DYRK1A: variants seen among roughly 807,000 people sequenced by gnomAD.
DYRK1A encodes the protein dual specificity tyrosine-phosphorylation-regulated kinase 1A.
DYRK1A carries 9 observed loss-of-function variants against 79.7 expected under a neutral mutation model. The ratio of observed to expected loss-of-function variants is 0.11; its 90% CI spans 0.07 to 0.20. The LOEUF (loss-of-function observed/expected upper bound fraction) is 0.20, where lower values mean the gene tolerates loss of function less well. Among genes scored for constraint, DYRK1A ranks in the 10% least tolerant of loss-of-function variants. The probability of loss-of-function intolerance (pLI) is 1.00; values close to 1 mark genes in which losing one functional copy is unlikely to be tolerated. For synonymous variants in DYRK1A, 349 were observed against 329.7 expected, an observed-to-expected ratio of 1.06 and a Z score of -0.63; for missense variants, 622 against 956.0, an observed-to-expected ratio of 0.65 and a Z score of 4.61.
intron 4 of DYRK1A, among the ~76,000 whole-genome samples, chr21:37,479,619 G>GTTTTTTTTTTTGTTTTTTTTTTTTTTTTT (rs2052552918): frequency 1.4e-5 from 1 of 73,900 alleles, no homozygotes; most frequent in African/African-American, 5.2e-5. Flanking sequence ...TTTGTTTTTT[G>GTTTTTTTTTTTGTTTTTTTTTTTTTTTTT]TTTTTTTTTT....
At position 37,401,201 on chromosome 21, in the gene DYRK1A, A is replaced by G. The variant is rs371492659; in HGVS notation, c.-76-19098A>G. The stretch of plus-strand genomic sequence containing the variant: ...GACTATATTTTTCTTATTGTGCTAT[A>G]TTAGGTAGTTAATTTTGGACTGGTC... On this transcript the variant is annotated intron_variant, in intron 1 of 11. Transcript: ENST00000647188. 4.7e-4 allele frequency among the ~76,000 whole-genome samples: 72 copies of G among 152,252 alleles called. 2 individuals are homozygous for G. Among genetic ancestry groups the G allele is most frequent in the African/African-American group, 1.6e-3 (66 of 41,556 alleles).
rs145697852 is a variant in DYRK1A, at chr21:37,414,693, T to A, written c.-76-5606T>A. Among the ~76,000 whole-genome samples, 850 of 152,244 alleles carry A rather than the reference T, an allele frequency of 5.6e-3. 6 individuals carry two copies. The highest frequency in any genetic ancestry group is 0.02 in the African/African-American group (815 of 41,548). On this transcript the variant is annotated intron_variant, in intron 1 of 11. Transcript: ENST00000647188. ...AACCTAGGTCTGCATGTGATAGGGG[T>A]GCTTTCTAGTGTCTACTTGATAGAC...
chr21:37,481,032 T>C lies in DYRK1A; in HGVS notation c.489+206T>C, dbSNP rs900331784. On this transcript the variant is annotated intron_variant, in intron 5 of 11. Transcript: ENST00000647188. ...AAACTCCTTAGACTTCTAAAAACTT[T>C]TATGGCTACCAAGTGCTCATTTTAC... The C allele has an allele frequency of 1.6e-4, 74 of 468,054 alleles. No homozygotes were observed. In the East Asian group the frequency reaches 2.5e-3, roughly 16 times the overall value. The allele number at this position is 468,054 out of a possible 1,614,324, so 29.0% of individuals were successfully genotyped here. A position where few individuals can be genotyped will look rare whatever the true frequency, so the allele number is the denominator to read the frequency against.
In DYRK1A at chr21:37,519,662, T is replaced by TTCC. The variant is rs1569413663; in HGVS notation, c.*7133_*7135dup. ...TGGAGTCTGGGACTAGGTGTTAACATTCCTTTACTAGTTGGTTTTGCATAC... is the reference window on the plus strand; with the variant it reads ...TGGAGTCTGGGACTAGGTGTTAACATTCCTCCTTTACTAGTTGGTTTTGCATAC... On this transcript the variant is annotated 3_prime_UTR_variant, in exon 12 of 12. Coordinates refer to ENST00000647188, the MANE Select transcript of DYRK1A (RefSeq NM_001347721.2). 1 of 152,122 alleles carries TTCC rather than the reference T, an allele frequency of 6.6e-6. No individual in the cohort carries two copies. Among genetic ancestry groups the TTCC allele is most frequent in the Non-Finnish European group, 1.5e-5 (1 of 68,020 alleles). The allele number at this position is 152,122 out of a possible 1,614,324, so 9.4% of individuals were successfully genotyped here.
At chr21:37,416,948 G>A (rs1001404957) in intron 1 of DYRK1A, among the ~76,000 whole-genome samples, 1 of 152,046 alleles carries the variant, frequency 6.6e-6, no homozygotes, top group African/African-American at 2.4e-5. Context: ...TAGTACTTTT[G>A]AAGCTCCTTG....
chr21:37,435,077 A>T (rs532235319), intron 2 of DYRK1A, among the ~76,000 whole-genome samples: 1 of 152,256 alleles, frequency 6.6e-6, no homozygotes, highest in Non-Finnish European at 1.5e-5. Flanking sequence ...GTAAAGTAGA[A>T]TATGTTTCTA....
rs186958900 is a variant in DYRK1A, at chr21:37,403,011, C to A, written c.-76-17288C>A. Among the ~76,000 whole-genome samples the A allele has an allele frequency of 4.0e-3, 603 of 152,082 alleles. 3 individuals carry two copies. Among genetic ancestry groups the A allele is most frequent in the Non-Finnish European group, 5.0e-3 (343 of 67,976 alleles). ...ACTCTTGACCTCAGGTGATCTGCCCCCCCTCAGCCTCCCAAAGTGCTGGGA... is the reference window on the plus strand; with the variant it reads ...ACTCTTGACCTCAGGTGATCTGCCCACCCTCAGCCTCCCAAAGTGCTGGGA... On this transcript the variant is annotated intron_variant, in intron 1 of 11. Coordinates refer to ENST00000647188, the MANE Select transcript of DYRK1A (RefSeq NM_001347721.2).
chr21:37,475,845 T>G (rs2052377287), intron 3 of DYRK1A, among the ~76,000 whole-genome samples: 1 of 152,240 alleles, frequency 6.6e-6, no homozygotes, highest in Admixed American at 6.5e-5. Context: ...TGAGCATCAT[T>G]ACTCCTGAAT....
At chr21:37,444,641 G>A (rs1212551133) in intron 2 of DYRK1A, among the ~76,000 whole-genome samples, 4 of 152,038 alleles carry the variant, frequency 2.6e-5, no homozygotes, top group Admixed American at 2.6e-4. Flanking sequence ...TGAGGATGAA[G>A]CATCGAAAAA....
intron 2 of DYRK1A, among the ~76,000 whole-genome samples, chr21:37,450,075 A>G (rs968282427): frequency 6.6e-6 from 1 of 152,158 alleles, no homozygotes; most frequent in Non-Finnish European, 1.5e-5. Flanking sequence ...GTGAGCCTCA[A>G]CTTTCCTGCC....
At chr21:37,373,426 A>G (rs1391297973) in intron 1 of DYRK1A, among the ~76,000 whole-genome samples, 1 of 152,198 alleles carries the variant, frequency 6.6e-6, no homozygotes, top group Non-Finnish European at 1.5e-5. Flanking sequence ...AAGCTTTCTT[A>G]TATGTACCAG....
In DYRK1A at chr21:37,486,450, T is replaced by C. The variant is rs2052868882; in HGVS notation, c.490-17T>C. 3.5e-6 allele frequency: 5 copies of C among 1,421,208 alleles called. No homozygotes were observed. Among genetic ancestry groups the C allele is most frequent in the African/African-American group, 1.5e-5 (1 of 67,658 alleles). The allele number at this position is 1,421,208 out of a possible 1,614,324, so 88.0% of individuals were successfully genotyped here. A position where few individuals can be genotyped will look rare whatever the true frequency, so the allele number is the denominator to read the frequency against. On this transcript the variant is annotated splice_polypyrimidine_tract_variant and intron_variant, in intron 5 of 11. Coordinates refer to ENST00000647188, the MANE Select transcript of DYRK1A (RefSeq NM_001347721.2). The stretch of plus-strand genomic sequence containing the variant: ...TTGCAATTAATGAAATAGAGAATTA[T>C]TCATCTTCTCTTTTAGGTTGTAAAG...
rs888335277 is a variant in DYRK1A, at chr21:37,517,331, T to C, written c.*4800T>C. ...GGAGGCCGGGCGATGCTGGCATGGG[T>C]GTGGTTGGCCGAGTTCTCATAGCTA... On this transcript the variant is annotated 3_prime_UTR_variant, in exon 12 of 12. Transcript: ENST00000647188. The C allele has an allele frequency of 1.9e-4, 29 of 152,094 alleles. No homozygotes were observed. The highest frequency in any genetic ancestry group is 7.0e-4 in the African/African-American group (29 of 41,344). 9.4% of individuals were successfully genotyped at this position (152,094 alleles called of 1,614,324 possible).
intron 1 of DYRK1A, among the ~76,000 whole-genome samples, chr21:37,406,363 C>A (rs1168002993): frequency 6.6e-6 from 1 of 152,036 alleles, no homozygotes; most frequent in Non-Finnish European, 1.5e-5. Flanking sequence ...CAGCTAGAGA[C>A]CCCAGGCACC....
At chr21:37,491,611 A>G (rs1381912409) in intron 7 of DYRK1A, among the ~76,000 whole-genome samples, 2 of 152,158 alleles carry the variant, frequency 1.3e-5, no homozygotes, top group African/African-American at 2.4e-5. Context: ...GAGGCTATCA[A>G]ATGTTAAAGT....
At chr21:37,373,596 T>C (rs1224449283) in intron 1 of DYRK1A, among the ~76,000 whole-genome samples, 3 of 152,228 alleles carry the variant, frequency 2.0e-5, no homozygotes, top group Admixed American at 2.0e-4. Context: ...TTCCTGTGCT[T>C]ACCATTTTCT....
chr21:37,385,379 T>C (rs965988708), intron 1 of DYRK1A, among the ~76,000 whole-genome samples: 87 of 152,154 alleles, frequency 5.7e-4, no homozygotes, highest in African/African-American at 2.0e-3. Context: ...TCTTCTAAGC[T>C]CATATGGTTG....
At chr21:37,407,773 G>T (rs531926575) in intron 1 of DYRK1A, among the ~76,000 whole-genome samples, 3 of 152,356 alleles carry the variant, frequency 2.0e-5, no homozygotes, top group African/African-American at 7.2e-5. Context: ...AGCAAGAAGA[G>T]ATTTTGGGGG....
At chr21:37,489,587 T>C (rs1037579500) in intron 6 of DYRK1A, among the ~76,000 whole-genome samples, 1 of 151,864 alleles carries the variant, frequency 6.6e-6, no homozygotes, top group African/African-American at 2.4e-5. Context: ...TCCAATACTT[T>C]TACCAAAGCA....
Sources: gnomAD v4.1 joint callset for allele counts (sites outside exome capture counted in the v4.1 genomes callset) on GRCh38, gnomAD v4.1.1 for gene constraint, MANE v1.5 for transcripts, NCBI Gene and HGNC (gene_info 2026-07-23, HGNC 2026-07-21) for gene names.